ARID1B: variants seen among roughly 807,000 people sequenced by gnomAD.
ARID1B encodes AT-rich interaction domain 1B.
Under a neutral mutation model 212.3 loss-of-function variants are expected in ARID1B, and 30 were observed. That is an observed-to-expected ratio of 0.14 (90% confidence interval 0.11 to 0.19). The LOEUF is 0.19. Among genes scored for constraint, ARID1B ranks in the 10% least tolerant of loss-of-function variants. The pLI, the probability that ARID1B is intolerant of heterozygous loss-of-function variation, is 1.00. For synonymous variants in ARID1B, 1,402 were observed against 1,301.7 expected (o/e 1.08, Z -1.66); for missense variants, 2,891 against 3,204.0 (o/e 0.90, Z 2.36).
In ARID1B at chr6:156,778,099, C is replaced by T. The variant is rs1478614436; in HGVS notation, c.419C>T (p.Ser140Leu). ...ASSSSSSGPG[S>L]AMETGLLPNH... ...TCTTCCTCCTCGTCGGGCCCGGGCT[C>T]GGCCATGGAGACGGGGCTGCTCCCC... Residue 140 changes from serine to leucine, a missense_variant, in exon 1 of 20, where the codon TCG becomes TTG. Ser to Leu is a moderately radical substitution (Grantham distance 145, BLOSUM62 -2). This residue lies in a region of ARID1B where 1,643 missense variants were observed against 1,544.0 expected (regional missense o/e 1.06). Transcript: ENST00000636930. 2.6e-6 allele frequency: 4 copies of T among 1,540,606 alleles called. No homozygotes were observed. The Admixed American group carries it at 5.9e-5, about 23-fold the overall frequency.
intron 3 of ARID1B, among the ~76,000 whole-genome samples, chr6:156,917,075 A>G (rs1790417013): frequency 6.6e-6 from 1 of 152,168 alleles, no homozygotes; most frequent in South Asian, 2.1e-4. Flanking sequence ...ATAGCCAGAA[A>G]AACCTTTTTC....
intron 11 of ARID1B, among the ~76,000 whole-genome samples, chr6:157,176,144 T>G (rs1379773401): frequency 6.6e-6 from 1 of 152,184 alleles, no homozygotes; most frequent in Non-Finnish European, 1.5e-5. Context: ...AACCAGCATT[T>G]TCCCTTTCAG....
At chr6:156,966,479 C>T (rs544920333) in intron 4 of ARID1B, among the ~76,000 whole-genome samples, 33 of 150,172 alleles carry the variant, frequency 2.2e-4, no homozygotes, top group African/African-American at 7.1e-4. Flanking sequence ...CTGCAACCTC[C>T]GCCTCCCGGG....
intron 4 of ARID1B, among the ~76,000 whole-genome samples, chr6:156,971,787 C>G (rs1776946885): frequency 6.6e-6 from 1 of 152,168 alleles, no homozygotes; most frequent in South Asian, 2.1e-4. Flanking sequence ...TCTCTGATCC[C>G]TCTTTAAGGA....
intron 4 of ARID1B, among the ~76,000 whole-genome samples, chr6:157,001,608 T>C (rs1317763400): frequency 6.6e-6 from 1 of 152,238 alleles, no homozygotes; most frequent in Non-Finnish European, 1.5e-5. Flanking sequence ...GGGGACCTTG[T>C]TTGATATATT....
intron 8 of ARID1B, among the ~76,000 whole-genome samples, chr6:157,158,702 G>C (rs537312364): frequency 6.6e-6 from 1 of 152,302 alleles, no homozygotes; most frequent in South Asian, 2.1e-4. Flanking sequence ...TTTGGGATTA[G>C]CAGTTCACTC....
At chr6:156,881,642 A>G (rs768317267) in intron 2 of ARID1B, among the ~76,000 whole-genome samples, 144 of 152,322 alleles carry the variant, frequency 9.5e-4, no homozygotes, top group Non-Finnish European at 1.6e-3. Context: ...GTCTTTAGTG[A>G]TACATACTGG....
chr6:156,924,045 T>C (rs185698413), intron 3 of ARID1B, among the ~76,000 whole-genome samples: 68 of 152,304 alleles, frequency 4.5e-4, no homozygotes, highest in African/African-American at 1.6e-3. Flanking sequence ...CTGACATCTG[T>C]GAACATTTAA....
intron 13 of ARID1B, chr6:157,186,705 C>A (rs746170822): frequency 6.3e-5 from 22 of 350,428 alleles, no homozygotes; most frequent in Middle Eastern, 8.4e-4. Context: ...GTCACTTTTT[C>A]CTGGAAGAAC....
chr6:156,912,517 T>G (rs992253579), intron 3 of ARID1B, among the ~76,000 whole-genome samples: 1 of 152,186 alleles, frequency 6.6e-6, no homozygotes, highest in Non-Finnish European at 1.5e-5. Flanking sequence ...CCACTGATGT[T>G]AGATCATCCT....
intron 1 of ARID1B, among the ~76,000 whole-genome samples, chr6:156,816,350 A>G (rs1022849819): frequency 3.9e-5 from 6 of 152,186 alleles, no homozygotes; most frequent in African/African-American, 1.4e-4. Context: ...GCTTGGAGAG[A>G]GGTAAGGGTT....
At chr6:156,998,842 C>G (rs1350292063) in intron 4 of ARID1B, among the ~76,000 whole-genome samples, 1 of 152,194 alleles carries the variant, frequency 6.6e-6, no homozygotes, top group Non-Finnish European at 1.5e-5. Flanking sequence ...TGTATTTATT[C>G]TGCCTGGAAA....
intron 6 of ARID1B, among the ~76,000 whole-genome samples, chr6:157,122,736 T>C (rs148705103): frequency 8.5e-5 from 13 of 152,276 alleles, no homozygotes; most frequent in African/African-American, 3.1e-4. Flanking sequence ...TAGAGTACAG[T>C]GGCGTGATCT....
At chr6:156,928,231 G>A (rs1014479903) in intron 3 of ARID1B, among the ~76,000 whole-genome samples, 6 of 152,146 alleles carry the variant, frequency 3.9e-5, no homozygotes, top group African/African-American at 9.7e-5. Flanking sequence ...GTAGGCCTTC[G>A]GGAGGCATTT....
Position 157,034,959 on chromosome 6 carries a change from C to G in ARID1B, c.2248-49703C>G, listed in dbSNP as rs79726274. Among the ~76,000 whole-genome samples the G allele has an allele frequency of 8.1e-3, 1,238 of 152,290 alleles. 23 individuals carry two copies. The highest frequency in any genetic ancestry group is 0.028 in the African/African-American group (1,183 of 41,560). On this transcript the variant is annotated intron_variant, in intron 4 of 19. Coordinates refer to ENST00000636930, the MANE Select transcript of ARID1B (RefSeq NM_001374828.1). ...GTTTCAAAACAATTCCCCCAGCCCTCCTGGAGATAGAATCTGGGGTGAAGG... is the reference window on the plus strand; with the variant it reads ...GTTTCAAAACAATTCCCCCAGCCCTGCTGGAGATAGAATCTGGGGTGAAGG...
intron 4 of ARID1B, chr6:157,022,920 T>C (rs543714170): frequency 6.6e-5 from 10 of 151,196 alleles, no homozygotes; most frequent in Admixed American, 5.9e-4. Flanking sequence ...TTAAGAGAAA[T>C]GGCCTTGAAG....
intron 1 of ARID1B, among the ~76,000 whole-genome samples, chr6:156,807,556 C>G (rs1028688785): frequency 6.6e-6 from 1 of 151,378 alleles, no homozygotes; most frequent in Non-Finnish European, 1.5e-5. Flanking sequence ...AATATTTAAA[C>G]TCTCATTTAC....
chr6:156,925,199 C>T (rs910847449), intron 3 of ARID1B, among the ~76,000 whole-genome samples: 2 of 152,202 alleles, frequency 1.3e-5, no homozygotes, highest in African/African-American at 4.8e-5. Context: ...AAGCCAGGGA[C>T]TGCAGGTCCT....
chr6:157,202,502 C>T (rs891572605), intron 18 of ARID1B, among the ~76,000 whole-genome samples: 3 of 151,986 alleles, frequency 2.0e-5, no homozygotes, highest in African/African-American at 7.3e-5. Context: ...CCTTGGACAA[C>T]CTAGCAAAAC....
Sources: gnomAD v4.1 joint callset for allele counts (sites outside exome capture counted in the v4.1 genomes callset) on GRCh38, gnomAD v4.1.1 for gene constraint, gnomAD v4.1.1 regional missense constraint, MANE v1.5 for transcripts, NCBI Gene and HGNC (gene_info 2026-07-23, HGNC 2026-07-21) for gene names.